Variants in OR56A4 observed in about 807,000 individuals in gnomAD.
OR56A4 encodes the protein olfactory receptor family 56 subfamily A member 4.
A neutral mutation model predicts 13.6 loss-of-function variants in OR56A4; 9 were observed. The ratio of observed to expected loss-of-function variants is 0.66; its 90% CI spans 0.40 to 1.15. The LOEUF (loss-of-function observed/expected upper bound fraction) is 1.15, where lower values mean the gene tolerates loss of function less well. Among genes scored for constraint, OR56A4 ranks in the 50% most tolerant of loss-of-function variants. The pLI, the probability that OR56A4 is intolerant of heterozygous loss-of-function variation, is 0.01. For synonymous variants in OR56A4, 167 were observed against 153.9 expected (o/e 1.08, Z -0.63); for missense variants, 380 against 375.9 (o/e 1.01, Z -0.09).
rs775426792 is a variant in OR56A4 at position 6,002,182 on chromosome 11, T to G, written c.811A>C (p.Ile271Leu). 1 of 1,614,188 alleles carries G rather than the reference T, an allele frequency of 6.2e-7. No individual in the cohort carries two copies. The highest frequency in any genetic ancestry group is 1.7e-5 in the Admixed American group (1 of 60,024). ...LVITNLARKR[I>L]PPDVPILLNI... ...AGCAGGATGGGGACATCTGGAGGAA[T>G]TCTCTTCCTGGCCAGGTTAGTGATG... Residue 271 changes from isoleucine (I) to leucine (L), a missense_variant, in exon 3 of 3, where the codon ATT becomes CTT. Physicochemically the swap from Ile to Leu is conservative, Grantham distance 5. Coordinates refer to ENST00000641156, the MANE Select transcript of OR56A4 (RefSeq NM_001005179.4).
Position 6,002,841 on chromosome 11 carries a change from G to A in OR56A4, c.152C>T (p.Thr51Ile). The A allele has an allele frequency of 6.2e-7, 1 of 1,614,014 alleles. No individual in the cohort carries two copies. Among genetic ancestry groups the A allele is most frequent in the Non-Finnish European group, 8.5e-7 (1 of 1,179,996 alleles). The change falls in exon 3 of 3, where the codon ACC (threonine) becomes ATC (isoleucine). Residue 51 changes from threonine to isoleucine, a missense_variant. By Grantham distance (89) the Thr-to-Ile change is moderately conservative (BLOSUM62 -1). Transcript: ENST00000641156. ...GTGCAGAGAGGCCTCCAGCTGGATG[G>A]TGATCAGGAGGGTGGTGTTAGCTCC... Reference protein sequence around the residue: ...AMGANTTLLITIQLEASLHQP... With the variant: ...AMGANTTLLIIIQLEASLHQP...
Position 6,002,460 on chromosome 11 carries a change from T to G in OR56A4, c.533A>C (p.Lys178Thr). Reference protein sequence around the residue: ...RLRYCAGNIIKNCICSNLSVS... With the variant: ...RLRYCAGNIITNCICSNLSVS... The stretch of plus-strand genomic sequence containing the variant: ...AGACAGGTTACTGCAGATGCAGTTC[T>G]TGATTATGTTTCCTGCACAGTATCT... The change falls in exon 3 of 3, where the codon AAG becomes ACG. Residue 178 changes from lysine (K) to threonine (T), a missense_variant. Physicochemically the swap from Lys to Thr is moderately conservative, Grantham distance 78. Coordinates refer to ENST00000641156, the MANE Select transcript of OR56A4 (RefSeq NM_001005179.4). The G allele has an allele frequency of 6.2e-7, 1 of 1,614,228 alleles. No homozygotes were observed. Among genetic ancestry groups the G allele is most frequent in the Non-Finnish European group, 8.5e-7 (1 of 1,180,022 alleles).
Position 6,001,997 on chromosome 11 carries a change from C to T in OR56A4, c.*54G>A. 3 of 1,468,862 alleles carry T rather than the reference C, an allele frequency of 2.0e-6. No homozygotes were observed. The highest frequency in any genetic ancestry group is 4.9e-5 in the Admixed American group (2 of 41,076). 91.0% of individuals were successfully genotyped at this position (1,468,862 alleles called of 1,614,324 possible). Reference sequence around the variant, plus strand: ...CAACATAAAATTAATTCCCTATTTCCCAATTTTCACTAACAATTAACAACT... The same window carrying T: ...CAACATAAAATTAATTCCCTATTTCTCAATTTTCACTAACAATTAACAACT... On this transcript the variant is annotated 3_prime_UTR_variant, in exon 3 of 3. Transcript: ENST00000641156.
chr11:6,003,164 AC>A, intron 2 of OR56A4, 136 bp from the exon 3 acceptor site: 3 of 1,510,984 alleles, frequency 2.0e-6, no homozygotes, highest in Non-Finnish European at 1.8e-6. Flanking sequence ...CTTATATTTA[AC>A]CAAGTATGTA....
In OR56A4 at chr11:6,001,949, G is replaced by A. The variant is rs150666084; in HGVS notation, c.*102C>T. 1,736 of 1,197,714 alleles carry A rather than the reference G, an allele frequency of 1.4e-3. 14 individuals are homozygous for A. The African/African-American group carries it at 0.023, about 16-fold the overall frequency. 74.2% of individuals were successfully genotyped at this position (1,197,714 alleles called of 1,614,324 possible). ...AACAGAAGAATCCGAACTCAGGCAG[G>A]ATTTAAAGTGAAATTTCCTTTCCAA... On this transcript the variant is annotated 3_prime_UTR_variant, in exon 3 of 3. Transcript: ENST00000641156.
intron 2 of OR56A4, among the ~76,000 whole-genome samples, chr11:6,004,568 A>G (rs996702906): frequency 6.6e-6 from 1 of 152,212 alleles, no homozygotes; most frequent in African/African-American, 2.4e-5. Flanking sequence ...CTTTCTAAAC[A>G]TAAATTATAC....
At chr11:6,006,602 G>A (rs1223128325) in intron 1 of OR56A4, among the ~76,000 whole-genome samples, 199 bp from the exon 2 acceptor site, 2 of 152,194 alleles carry the variant, frequency 1.3e-5, no homozygotes, top group African/African-American at 4.8e-5. Context: ...TGAATGTAGG[G>A]AAGAAAGGAA....
At position 6,000,695 on chromosome 11, in the gene OR56A4, G is replaced by A. The variant is rs577086265; in HGVS notation, c.*1356C>T. On this transcript the variant is annotated 3_prime_UTR_variant, in exon 3 of 3. Coordinates refer to ENST00000641156, the MANE Select transcript of OR56A4 (RefSeq NM_001005179.4). ...TAATGGTAAAAGAAGGCTGATGTGA[G>A]AAGCATCAAATGATTGAAGAGAGAG... is the stretch of plus-strand genomic sequence containing the variant. The A allele has an allele frequency of 6.6e-6, 1 of 152,198 alleles. No individual in the cohort carries two copies. Among genetic ancestry groups the A allele is most frequent in the Non-Finnish European group, 1.5e-5 (1 of 68,024 alleles). The allele number at this position is 152,198 out of a possible 1,614,324, so 9.4% of individuals were successfully genotyped here. A position where few individuals can be genotyped will look rare whatever the true frequency, so the allele number is the denominator to read the frequency against.
chr11:6,003,072 C>G (rs1396114490), intron 2 of OR56A4, 44 bp from the exon 3 acceptor site: 1 of 1,612,704 alleles, frequency 6.2e-7, no homozygotes, highest in Non-Finnish European at 8.5e-7. Flanking sequence ...AAAGTACATT[C>G]TAGACGTAGT....
Position 6,002,120 on chromosome 11 carries a change from G to A in OR56A4, c.873C>T (p.Asn291=), listed in dbSNP as rs759529285. The A allele has an allele frequency of 1.2e-6, 2 of 1,613,802 alleles. No homozygotes were observed. The highest frequency in any genetic ancestry group is 1.1e-5 in the South Asian group (1 of 90,974). The change falls in exon 3 of 3, where the codon AAC becomes AAT. Residue 291 remains asparagine, a synonymous_variant. Coordinates refer to ENST00000641156, the MANE Select transcript of OR56A4 (RefSeq NM_001005179.4). ...TGGTTCTCACACCATAAACAATGGGGTTCAGAGCTGGGGGAATGAGGTGGT... is the reference window on the plus strand; with the variant it reads ...TGGTTCTCACACCATAAACAATGGGATTCAGAGCTGGGGGAATGAGGTGGT... ...ILHHLIPPAL[N]PIVYGVRTKE...
rs1848210868 is a variant in OR56A4 at position 6,001,226 on chromosome 11, G to C, written c.*825C>G. 1 of 152,220 alleles carries C rather than the reference G, an allele frequency of 6.6e-6. No individual in the cohort carries two copies. The highest frequency in any genetic ancestry group is 2.4e-5 in the African/African-American group (1 of 41,428). The allele number at this position is 152,220 out of a possible 1,614,324, so 9.4% of individuals were successfully genotyped here. On this transcript the variant is annotated 3_prime_UTR_variant, in exon 3 of 3. Transcript: ENST00000641156. The stretch of plus-strand genomic sequence containing the variant: ...AGCATCAGAGGGAATGAACAGGATG[G>C]CTCATTTGTGCCTAGGATGGGGACT...
intron 1 of OR56A4, 21 bp downstream of exon 1, chr11:6,006,897 T>A (rs559547572): frequency 6.6e-6 from 1 of 152,538 alleles, no homozygotes; most frequent in South Asian, 2.1e-4. Flanking sequence ...ATAATTTCCT[T>A]GGCCCCACCT....
In OR56A4 at chr11:6,006,598, T is replaced by C. The variant is rs148338422; in HGVS notation, c.-191-195A>G. Among the ~76,000 whole-genome samples, 83 of 152,278 alleles carry C rather than the reference T, an allele frequency of 5.5e-4. 2 individuals carry two copies. The East Asian group carries it at 0.014, about 26-fold the overall frequency. ...AGTCACCTAGGTTCATAGATGAATG[T>C]AGGGAAGAAAGGAAGATTATGACCT... On this transcript the variant is annotated intron_variant, in intron 1 of 2. Transcript: ENST00000641156.
In OR56A4 at chr11:6,001,795, C is replaced by T; in HGVS notation, c.*256G>A. The T allele has an allele frequency of 2.6e-6, 1 of 390,920 alleles. No homozygotes were observed. Among genetic ancestry groups the T allele is most frequent in the Non-Finnish European group, 4.5e-6 (1 of 221,864 alleles). The allele number at this position is 390,920 out of a possible 1,614,324, so 24.2% of individuals were successfully genotyped here. A position where few individuals can be genotyped will look rare whatever the true frequency, so the allele number is the denominator to read the frequency against. ...CATTTGTCAAAGTCTTGGCAAGATT[C>T]TTTGTTGCAGATTAGATCAGGAAAA... On this transcript the variant is annotated 3_prime_UTR_variant, in exon 3 of 3. Coordinates refer to ENST00000641156, the MANE Select transcript of OR56A4 (RefSeq NM_001005179.4).
intron 2 of OR56A4, among the ~76,000 whole-genome samples, chr11:6,003,494 G>A (rs1375430854): frequency 6.6e-6 from 1 of 152,116 alleles, no homozygotes; most frequent in Non-Finnish European, 1.5e-5. Context: ...GCAGCTTTGG[G>A]TTGGTTCCCA....
At chr11:6,003,406 C>A (rs913186509) in intron 2 of OR56A4, among the ~76,000 whole-genome samples, 3 of 152,176 alleles carry the variant, frequency 2.0e-5, no homozygotes, top group Non-Finnish European at 4.4e-5. Flanking sequence ...ATTTACTTTA[C>A]AATGATTTTC....
In OR56A4 at chr11:6,001,048, C is replaced by T. The variant is rs2133570788; in HGVS notation, c.*1003G>A. ...GAGACAGATTAAGACTGTTTATATT[C>T]CTTGGAGATACTGAACTGTGTGGCA... is the stretch of plus-strand genomic sequence containing the variant. On this transcript the variant is annotated 3_prime_UTR_variant, in exon 3 of 3. Coordinates refer to ENST00000641156, the MANE Select transcript of OR56A4 (RefSeq NM_001005179.4). 1 of 152,252 alleles carries T rather than the reference C, an allele frequency of 6.6e-6. No individual in the cohort carries two copies. The highest frequency in any genetic ancestry group is 1.9e-4 in the East Asian group (1 of 5,170). 9.4% of individuals were successfully genotyped at this position (152,252 alleles called of 1,614,324 possible).
In OR56A4 at chr11:6,002,556, C is replaced by G; in HGVS notation, c.437G>C (p.Arg146Thr). 1.2e-6 allele frequency: 2 copies of G among 1,613,950 alleles called. No individual in the cohort carries two copies. The highest frequency in any genetic ancestry group is 1.7e-6 in the Non-Finnish European group (2 of 1,180,012). ...CCGGGCTATAACAAAGACCACGGCC[C>G]TAGCCACAAACTGGTCAGTGATGAT... ...PSIITDQFVARAVVFVIARNA... is the reference protein window; with the variant it reads ...PSIITDQFVATAVVFVIARNA... Residue 146 changes from arginine to threonine, a missense_variant, in exon 3 of 3, where the codon AGG becomes ACG. Arg to Thr is a moderately conservative substitution (Grantham distance 71, BLOSUM62 -1). Coordinates refer to ENST00000641156, the MANE Select transcript of OR56A4 (RefSeq NM_001005179.4).
At chr11:6,005,327 CA>C (rs902198148) in intron 2 of OR56A4, among the ~76,000 whole-genome samples, 1 of 152,002 alleles carries the variant, frequency 6.6e-6, no homozygotes, top group Non-Finnish European at 1.5e-5. Context: ...AAGGTAAGAA[CA>C]AAAAAACCTG....
Sources: allele counts gnomAD v4.1 joint callset (sites outside exome capture counted in the v4.1 genomes callset), GRCh38; gene constraint gnomAD v4.1.1; transcripts MANE v1.5; gene names NCBI Gene and HGNC (gene_info 2026-07-23, HGNC 2026-07-21).